STK10: variants seen among roughly 807,000 people sequenced by gnomAD.
STK10 encodes serine/threonine-protein kinase 10.
STK10 carries 78 observed loss-of-function variants against 113.8 expected under a neutral mutation model. That is an observed-to-expected ratio of 0.69 (90% CI 0.57 to 0.83). The LOEUF (loss-of-function observed/expected upper bound fraction) is 0.83. STK10 is among the 40% of genes least tolerant of loss of function. The pLI, the probability that STK10 is intolerant of heterozygous loss-of-function variation, is 0.00. For synonymous variants in STK10, 465 were observed against 494.7 expected, an observed-to-expected ratio of 0.94 and a Z score of 0.80; for missense variants, 1,109 against 1,280.1, an observed-to-expected ratio of 0.87 and a Z score of 2.04.
At chr5:172,145,278 A>G (rs1304433345) in intron 2 of STK10, among the ~76,000 whole-genome samples, 1 of 152,198 alleles carries the variant, frequency 6.6e-6, no homozygotes, top group African/African-American at 2.4e-5. Flanking sequence ...AGTGACCCCC[A>G]AGGAGGAGGT....
At chr5:172,069,478 C>T (rs1292207975) in intron 12 of STK10, among the ~76,000 whole-genome samples, 1 of 152,090 alleles carries the variant, frequency 6.6e-6, no homozygotes, top group East Asian at 1.9e-4. Context: ...ACTCAGTTCA[C>T]TAAGAAAATA....
rs570577506 is a variant in STK10, at chr5:172,120,937, G to T, written c.371-3307C>A. Among the ~76,000 whole-genome samples the T allele has an allele frequency of 2.6e-5, 4 of 152,130 alleles. No homozygotes were observed. The highest frequency in any genetic ancestry group is 5.9e-5 in the Non-Finnish European group (4 of 68,030). ...TGTCAGGCATGAGGATAAGGACACG[G>T]TGCATACTGTCATTTAATCCTCGCA... On this transcript the variant is annotated intron_variant, in intron 3 of 18. Transcript: ENST00000176763. The surrounding 1 kb of genome is among the most constrained non-coding windows in gnomAD (Gnocchi z 4.0).
At chr5:172,051,259 C>T (rs1378134598) in intron 18 of STK10, among the ~76,000 whole-genome samples, 1 of 152,146 alleles carries the variant, frequency 6.6e-6, no homozygotes, top group Non-Finnish European at 1.5e-5. Context: ...TATATCTCCA[C>T]CAGGCACAGT....
intron 9 of STK10, among the ~76,000 whole-genome samples, chr5:172,090,679 G>T (rs904304960): frequency 1.3e-5 from 2 of 152,040 alleles, no homozygotes; most frequent in South Asian, 4.2e-4. Flanking sequence ...GCTTACGCTT[G>T]TAATCCCAGC....
At chr5:172,086,998 G>C (rs916242663) in intron 10 of STK10, among the ~76,000 whole-genome samples, 1 of 152,092 alleles carries the variant, frequency 6.6e-6, no homozygotes, top group African/African-American at 2.4e-5. Context: ...AGCTCTTGAG[G>C]TTGAAACTCA....
At chr5:172,165,742 G>A (rs1425656103) in intron 1 of STK10, among the ~76,000 whole-genome samples, 5 of 152,146 alleles carry the variant, frequency 3.3e-5, no homozygotes, top group African/African-American at 1.2e-4. Flanking sequence ...CCCAAGGCAG[G>A]CCAACAGGGT....
At chr5:172,109,859 C>T (rs988229023) in intron 4 of STK10, among the ~76,000 whole-genome samples, 15 of 152,226 alleles carry the variant, frequency 9.9e-5, no homozygotes, top group Admixed American at 1.3e-4. Flanking sequence ...TGCCTTTGGA[C>T]GATTCATCCC....
intron 5 of STK10, 55 bp downstream of exon 5, chr5:172,107,725 C>T: frequency 3.2e-6 from 5 of 1,582,044 alleles, no homozygotes; most frequent in Non-Finnish European, 4.3e-6. Context: ...CTGGTGGTCA[C>T]CTTGGAGAGT....
chr5:172,159,890 C>A (rs921875140), intron 1 of STK10, among the ~76,000 whole-genome samples: 6 of 152,266 alleles, frequency 3.9e-5, no homozygotes, highest in African/African-American at 1.4e-4. Flanking sequence ...GTAATCCCAG[C>A]ACTTTGGGAG....
At chr5:172,048,850 A>C (rs547322339) in intron 18 of STK10, among the ~76,000 whole-genome samples, 1 of 149,406 alleles carries the variant, frequency 6.7e-6, no homozygotes, top group Admixed American at 6.7e-5. Flanking sequence ...CTCTGACTTT[A>C]CCTCCTATCA....
intron 12 of STK10, among the ~76,000 whole-genome samples, chr5:172,080,793 C>T (rs1175152099): frequency 2.6e-5 from 4 of 152,226 alleles, no homozygotes; most frequent in Admixed American, 6.5e-5. Context: ...CAAGTGCTGA[C>T]GGAGAAGCTG....
At chr5:172,065,370 G>A (rs1472372156) in intron 12 of STK10, among the ~76,000 whole-genome samples, 4 of 143,162 alleles carry the variant, frequency 2.8e-5, no homozygotes, top group African/African-American at 1.0e-4. Flanking sequence ...CATTACAAGT[G>A]TGCACCACCA....
chr5:172,067,778 T>C (rs1441188006), intron 12 of STK10, among the ~76,000 whole-genome samples: 3 of 151,864 alleles, frequency 2.0e-5, no homozygotes, highest in Non-Finnish European at 4.4e-5. Flanking sequence ...ATATGAATGA[T>C]AGAGAGAAAA....
chr5:172,137,258 TA>T (rs1274069728), intron 2 of STK10, among the ~76,000 whole-genome samples: 1 of 152,098 alleles, frequency 6.6e-6, no homozygotes, highest in Non-Finnish European at 1.5e-5. Context: ...CTATTCAAGA[TA>T]AAGTCACTCT....
At chr5:172,104,391 C>G (rs955832100) in intron 7 of STK10, among the ~76,000 whole-genome samples, 1 of 151,436 alleles carries the variant, frequency 6.6e-6, no homozygotes, top group African/African-American at 2.4e-5. Flanking sequence ...CGCCCTAACT[C>G]GAGGCATGGG....
In STK10 at chr5:172,106,228, T is replaced by C. The variant is rs1769102186; in HGVS notation, c.788+392A>G. Among the ~76,000 whole-genome samples, 6 of 151,332 alleles carry C rather than the reference T, an allele frequency of 4.0e-5. 1 individual carries two copies. ...GAGTTCAAGACCAGCCTGGGCAACA[T>C]AGGAGACCTTGTCTCTACAGAAAAT... is the stretch of plus-strand genomic sequence containing the variant. On this transcript the variant is annotated intron_variant, in intron 6 of 18. Coordinates refer to ENST00000176763, the MANE Select transcript of STK10 (RefSeq NM_005990.4).
At chr5:172,070,952 T>A (rs918440334) in intron 12 of STK10, among the ~76,000 whole-genome samples, 2 of 151,654 alleles carry the variant, frequency 1.3e-5, no homozygotes, top group Non-Finnish European at 2.9e-5. Context: ...GGCGGTGGTG[T>A]ATCCCAGCAC....
At chr5:172,182,829 G>A (rs1382445587) in intron 1 of STK10, among the ~76,000 whole-genome samples, 1 of 152,026 alleles carries the variant, frequency 6.6e-6, no homozygotes, top group African/African-American at 2.4e-5. Context: ...TGAGATTACA[G>A]GTGTGAGCCA....
chr5:172,111,692 C>T (rs900511611), intron 4 of STK10, among the ~76,000 whole-genome samples: 3 of 152,322 alleles, frequency 2.0e-5, no homozygotes, highest in Non-Finnish European at 4.4e-5. Flanking sequence ...GAGACAAGGG[C>T]GGCGGAGATA....
Sources: gnomAD v4.1 joint callset for allele counts (sites outside exome capture counted in the v4.1 genomes callset) on GRCh38, gnomAD v4.1.1 for gene constraint, Gnocchi (gnomAD v3.1) non-coding constraint, MANE v1.5 for transcripts, NCBI Gene and HGNC (gene_info 2026-07-23, HGNC 2026-07-21) for gene names.